Variants in RPH3A observed in about 807,000 individuals in gnomAD.
RPH3A encodes the protein rabphilin-3A.
RPH3A carries 48 observed loss-of-function variants against 102.2 expected under a neutral mutation model. That is an observed-to-expected ratio of 0.47 (90% CI 0.37 to 0.60). RPH3A has a LOEUF of 0.60. Ranked by LOEUF, RPH3A falls within the 20% of genes least tolerant of loss-of-function variation. RPH3A has a pLI of 0.00. For synonymous variants in RPH3A, 310 were observed against 324.3 expected, an observed-to-expected ratio of 0.96 and a Z score of 0.47; for missense variants, 781 against 910.1, an observed-to-expected ratio of 0.86 and a Z score of 1.83.
chr12:112,588,325 A>G (rs1215410760), intron 1 of RPH3A, among the ~76,000 whole-genome samples: 2 of 152,222 alleles, frequency 1.3e-5, no homozygotes, highest in Non-Finnish European at 2.9e-5. Flanking sequence ...ACAGTTCCAT[A>G]TGGCTGGAGA....
intron 1 of RPH3A, among the ~76,000 whole-genome samples, chr12:112,664,565 T>C (rs1224582808): frequency 6.6e-6 from 1 of 152,166 alleles, no homozygotes; most frequent in Non-Finnish European, 1.5e-5. Flanking sequence ...TGGGAAGTGC[T>C]GCTGGATTGG....
At chr12:112,872,010 C>T (rs1014470372) in intron 10 of RPH3A, among the ~76,000 whole-genome samples, 2 of 151,864 alleles carry the variant, frequency 1.3e-5, no homozygotes, top group Admixed American at 6.6e-5. Context: ...TCATTGTGCG[C>T]CTGACATACA....
At chr12:112,608,004 G>A (rs573595549) in intron 1 of RPH3A, among the ~76,000 whole-genome samples, 1 of 152,114 alleles carries the variant, frequency 6.6e-6, no homozygotes, top group African/African-American at 2.4e-5. Context: ...AAGCCAAAGG[G>A]GATGATTTGC....
chr12:112,638,416 A>T (rs1334821800), intron 1 of RPH3A, among the ~76,000 whole-genome samples: 1 of 152,218 alleles, frequency 6.6e-6, no homozygotes, highest in Non-Finnish European at 1.5e-5. Context: ...CCCAATGGCC[A>T]TATCCACACC....
At chr12:112,775,351 C>A (rs947085927) in intron 1 of RPH3A, among the ~76,000 whole-genome samples, 16 of 149,800 alleles carry the variant, frequency 1.1e-4, no homozygotes, top group Non-Finnish European at 2.1e-4. Flanking sequence ...CATTCATCCA[C>A]CAAGAATTTG....
At chr12:112,858,586 G>T (rs758527260) in intron 5 of RPH3A, among the ~76,000 whole-genome samples, 1 of 152,176 alleles carries the variant, frequency 6.6e-6, no homozygotes, top group Non-Finnish European at 1.5e-5. Flanking sequence ...GGGGACTTAT[G>T]ATGATTATGG....
In RPH3A at chr12:112,642,990, C is replaced by T. The variant is rs369664038; in HGVS notation, c.-140+67671C>T. On this transcript the variant is annotated intron_variant, in intron 1 of 21. Coordinates refer to the RPH3A transcript ENST00000543106. ...GTGCTGCTCAATGTACTACAATGCA[C>T]GGGACAGCACCCCTCCCCTCCAAGA... Among the ~76,000 whole-genome samples the T allele has an allele frequency of 7.9e-5, 12 of 152,224 alleles. 1 individual carries two copies. The South Asian group carries it at 2.1e-3, about 26-fold the overall frequency.
intron 1 of RPH3A, among the ~76,000 whole-genome samples, chr12:112,739,588 A>G (rs980962774): frequency 1.3e-5 from 2 of 152,204 alleles, no homozygotes; most frequent in African/African-American, 4.8e-5. Flanking sequence ...ACATTCTTCC[A>G]TGAAAGGAGC....
At chr12:112,701,722 G>A (rs1359670315) in intron 1 of RPH3A, among the ~76,000 whole-genome samples, 1 of 152,288 alleles carries the variant, frequency 6.6e-6, no homozygotes, top group East Asian at 1.9e-4. Flanking sequence ...TGTGGTTCAA[G>A]GCCTTGAGAC....
intron 1 of RPH3A, among the ~76,000 whole-genome samples, chr12:112,601,462 C>T (rs973747607): frequency 6.6e-6 from 1 of 152,248 alleles, no homozygotes; most frequent in South Asian, 2.1e-4. Context: ...TATATTCATG[C>T]CACTGAAAGT....
intron 1 of RPH3A, among the ~76,000 whole-genome samples, chr12:112,760,381 C>G (rs2040847428): frequency 6.6e-6 from 1 of 152,126 alleles, no homozygotes; most frequent in Admixed American, 6.6e-5. Context: ...CATGTCATAG[C>G]CTGTAGTATG....
chr12:112,596,607 G>A (rs879943386), intron 1 of RPH3A, among the ~76,000 whole-genome samples: 12 of 152,226 alleles, frequency 7.9e-5, no homozygotes, highest in Non-Finnish European at 1.5e-4. Flanking sequence ...TGTTAATAGC[G>A]CCATATTTTT....
intron 1 of RPH3A, among the ~76,000 whole-genome samples, chr12:112,636,577 A>G (rs2039850375): frequency 1.3e-5 from 2 of 152,214 alleles, no homozygotes; most frequent in South Asian, 4.1e-4. Context: ...GTAATGAAGA[A>G]TTGTGCCATC....
At chr12:112,770,855 A>C (rs969116608) in intron 1 of RPH3A, among the ~76,000 whole-genome samples, 2 of 152,228 alleles carry the variant, frequency 1.3e-5, no homozygotes, top group African/African-American at 4.8e-5. Flanking sequence ...GGCTTGGGGC[A>C]GGGGTCAGAG....
At chr12:112,651,846 T>C (rs2039977092) in intron 1 of RPH3A, 1 of 152,226 alleles carries the variant, frequency 6.6e-6, no homozygotes, top group African/African-American at 2.4e-5. Context: ...AATCATACAA[T>C]ATTTGTCCTT....
chr12:112,837,126 C>T (rs2042064649), intron 4 of RPH3A, among the ~76,000 whole-genome samples: 1 of 152,198 alleles, frequency 6.6e-6, no homozygotes, highest in African/African-American at 2.4e-5. Context: ...TGCGTGCACA[C>T]ATTCAGAAAC....
At chr12:112,663,189 C>A (rs17824620) in intron 1 of RPH3A, among the ~76,000 whole-genome samples, 39,617 of 151,648 alleles carry the variant, frequency 0.26, 6,059 homozygotes, top group Admixed American at 0.33. Context: ...CTTAGATTCT[C>A]CAATAATGTG....
At chr12:112,617,549 G>C (rs1006994722) in intron 1 of RPH3A, among the ~76,000 whole-genome samples, 1 of 152,214 alleles carries the variant, frequency 6.6e-6, no homozygotes, top group Non-Finnish European at 1.5e-5. Flanking sequence ...AAAGTGAACA[G>C]CTGCTGTCCT....
intron 1 of RPH3A, among the ~76,000 whole-genome samples, chr12:112,653,014 T>A (rs991791542): frequency 6.6e-6 from 1 of 152,198 alleles, no homozygotes; most frequent in Admixed American, 6.5e-5. Flanking sequence ...TACTGAATAC[T>A]GTAGGCAGCT....
Sources: gnomAD v4.1 joint callset for allele counts (sites outside exome capture counted in the v4.1 genomes callset) on GRCh38, gnomAD v4.1.1 for gene constraint, MANE v1.5 for transcripts, NCBI Gene and HGNC (gene_info 2026-07-23, HGNC 2026-07-21) for gene names.